PDE3A: variants seen among roughly 807,000 people sequenced by gnomAD.
The protein encoded by PDE3A is cGMP-inhibited 3',5'-cyclic phosphodiesterase 3A.
In PDE3A, 43 loss-of-function variants were observed where a neutral mutation model predicts 98.3. The ratio of observed to expected loss-of-function variants is 0.44; its 90% confidence interval spans 0.34 to 0.56. PDE3A has a LOEUF of 0.56. Among genes scored for constraint, PDE3A ranks in the 20% least tolerant of loss-of-function variants. The pLI is 0.01. For synonymous variants in PDE3A, 663 were observed against 567.9 expected (o/e 1.17, Z -2.38); for missense variants, 1,427 against 1,440.7 (o/e 0.99, Z 0.15).
At chr12:20,485,512 T>G (rs2121022447) in intron 1 of PDE3A, among the ~76,000 whole-genome samples, 1 of 152,318 alleles carries the variant, frequency 6.6e-6, no homozygotes, top group Admixed American at 6.5e-5. Flanking sequence ...TTGATTAGTG[T>G]TAATACATTT....
chr12:20,606,735 G>A (rs1943718662), intron 2 of PDE3A, among the ~76,000 whole-genome samples: 1 of 151,242 alleles, frequency 6.6e-6, no homozygotes, highest in Non-Finnish European at 1.5e-5. Flanking sequence ...GCATATGCCT[G>A]TAATCCCAGC....
chr12:20,402,560 C>A (rs186762214), intron 1 of PDE3A, among the ~76,000 whole-genome samples: 1 of 151,940 alleles, frequency 6.6e-6, no homozygotes, highest in Non-Finnish European at 1.5e-5. Flanking sequence ...ACGGTGGGCC[C>A]TAGATGTTGG....
chr12:20,561,979 T>TA (rs1251112946), intron 2 of PDE3A, among the ~76,000 whole-genome samples: 2 of 152,184 alleles, frequency 1.3e-5, no homozygotes, highest in Non-Finnish European at 2.9e-5. Context: ...TTTCTTTTTT[T>TA]AAAAGTATAT....
At chr12:20,429,781 T>G in intron 1 of PDE3A, among the ~76,000 whole-genome samples, 1 of 152,216 alleles carries the variant, frequency 6.6e-6, no homozygotes, top group East Asian at 1.9e-4. Flanking sequence ...TTTTATTTTT[T>G]ACCTTCATCA....
At chr12:20,621,742 T>C (rs562575867) in intron 5 of PDE3A, among the ~76,000 whole-genome samples, 2 of 152,110 alleles carry the variant, frequency 1.3e-5, no homozygotes, top group African/African-American at 4.8e-5. Flanking sequence ...TTAGTGTCTG[T>C]TAAAATTATT....
At chr12:20,504,403 A>G (rs1041064659) in intron 1 of PDE3A, among the ~76,000 whole-genome samples, 1 of 152,140 alleles carries the variant, frequency 6.6e-6, no homozygotes, top group African/African-American at 2.4e-5. Context: ...CTCTACATCT[A>G]TTAAAGAGAC....
intron 1 of PDE3A, among the ~76,000 whole-genome samples, chr12:20,532,892 G>A (rs1941646861): frequency 1.3e-5 from 2 of 151,956 alleles, no homozygotes; most frequent in African/African-American, 2.4e-5. Context: ...GTTTCACCTT[G>A]GTCTCGATCT....
intron 2 of PDE3A, among the ~76,000 whole-genome samples, chr12:20,596,000 T>C (rs1487812054): frequency 6.6e-6 from 1 of 152,308 alleles, no homozygotes; most frequent in Non-Finnish European, 1.5e-5. Flanking sequence ...AATCAGTGCT[T>C]GTATTAATCT....
intron 1 of PDE3A, among the ~76,000 whole-genome samples, chr12:20,443,714 C>A (rs761522446): frequency 4.6e-5 from 7 of 151,992 alleles, no homozygotes; most frequent in Non-Finnish European, 1.0e-4. Context: ...GTATGGAAAT[C>A]ATAAAAAACC....
intron 1 of PDE3A, among the ~76,000 whole-genome samples, chr12:20,536,555 C>T (rs1941753508): frequency 6.6e-6 from 1 of 152,082 alleles, no homozygotes; most frequent in South Asian, 2.1e-4. Context: ...CTACTACTTC[C>T]AGGCTTAATC....
chr12:20,416,981 G>A (rs1189029923), intron 1 of PDE3A, among the ~76,000 whole-genome samples: 1 of 152,080 alleles, frequency 6.6e-6, no homozygotes, highest in Non-Finnish European at 1.5e-5. Flanking sequence ...GAATAAATTG[G>A]CTATTTTATT....
intron 1 of PDE3A, among the ~76,000 whole-genome samples, chr12:20,541,655 A>C (rs1941914662): frequency 6.6e-6 from 1 of 151,590 alleles, no homozygotes; most frequent in South Asian, 2.1e-4. Context: ...ATTCCACTTT[A>C]TTTTCTTTTA....
chr12:20,473,562 A>T (rs1945478085), intron 1 of PDE3A, among the ~76,000 whole-genome samples: 1 of 152,196 alleles, frequency 6.6e-6, no homozygotes, highest in Non-Finnish European at 1.5e-5. Context: ...ATAAAACATT[A>T]TCAGTGACTA....
intron 2 of PDE3A, among the ~76,000 whole-genome samples, chr12:20,568,587 CTCTT>C (rs1412630409): frequency 6.6e-6 from 1 of 151,868 alleles, no homozygotes; most frequent in African/African-American, 2.4e-5. Flanking sequence ...GAACCCGTCT[CTCTT>C]TTCATGTGAC....
At chr12:20,438,433 A>G (rs990153880) in intron 1 of PDE3A, among the ~76,000 whole-genome samples, 11 of 152,326 alleles carry the variant, frequency 7.2e-5, no homozygotes, top group Middle Eastern at 3.4e-3. Flanking sequence ...AGAAATAATT[A>G]TTTTCAGATG....
chr12:20,544,535 C>T (rs1459577119), intron 1 of PDE3A, among the ~76,000 whole-genome samples: 20 of 151,818 alleles, frequency 1.3e-4, no homozygotes, highest in Non-Finnish European at 1.9e-4. Context: ...GAAGACAAAT[C>T]AAATCTGATG....
chr12:20,548,929 G>T (rs1205751147), intron 1 of PDE3A, among the ~76,000 whole-genome samples: 1 of 152,066 alleles, frequency 6.6e-6, no homozygotes, highest in Non-Finnish European at 1.5e-5. Context: ...ACCTCAATGT[G>T]CAAGCTGTCT....
chr12:20,524,916 C>T (rs1328266963), intron 1 of PDE3A, among the ~76,000 whole-genome samples: 4 of 152,114 alleles, frequency 2.6e-5, no homozygotes, highest in Non-Finnish European at 5.9e-5. Context: ...GGGTGGATCA[C>T]CTGAGGTTGG....
chr12:20,530,657 G>A (rs1381787773), intron 1 of PDE3A, among the ~76,000 whole-genome samples: 2 of 151,892 alleles, frequency 1.3e-5, no homozygotes, highest in Admixed American at 6.6e-5. Flanking sequence ...TTAAGAATTG[G>A]TGCTATGGAA....
Sources: gnomAD v4.1 joint callset for allele counts (sites outside exome capture counted in the v4.1 genomes callset) on GRCh38, gnomAD v4.1.1 for gene constraint, MANE v1.5 for transcripts, NCBI Gene and HGNC (gene_info 2026-07-23, HGNC 2026-07-21) for gene names.